Variants in PLPP3 observed in about 807,000 individuals in gnomAD.
PLPP3 encodes phospholipid phosphatase 3, also known as PAP2 beta.
PLPP3 carries 6 observed loss-of-function variants against 29.6 expected under a neutral mutation model. That is an observed-to-expected ratio of 0.20 (90% CI 0.11 to 0.40). The LOEUF (loss-of-function observed/expected upper bound fraction) is 0.40, where lower values mean the gene tolerates loss of function less well. Ranked by LOEUF, PLPP3 falls within the 10% of genes least tolerant of loss-of-function variation. PLPP3 has a pLI of 1.00. For synonymous variants in PLPP3, 152 were observed against 159.7 expected (o/e 0.95, Z 0.36); for missense variants, 308 against 407.7 (o/e 0.76, Z 2.11).
chr1:56,495,053 G>C lies in PLPP3; in HGVS notation c.*1498C>G, dbSNP rs1388213645. 2.0e-5 allele frequency: 3 copies of C among 152,452 alleles called. No homozygotes were observed. Among genetic ancestry groups the C allele is most frequent in the African/African-American group, 7.2e-5 (3 of 41,400 alleles). 9.4% of individuals were successfully genotyped at this position (152,452 alleles called of 1,614,324 possible). ...TGTAAATAACACAGGTCGAGACACA[G>C]TTTATAATCATAGTGGATATAGCTA... On this transcript the variant is annotated 3_prime_UTR_variant, in exon 6 of 6. Transcript: ENST00000371250.
chr1:56,547,119 T>C (rs11206838), intron 1 of PLPP3, among the ~76,000 whole-genome samples: 42,383 of 152,116 alleles, frequency 0.28, 5,980 homozygotes, highest in Admixed American at 0.33. Context: ...CTTAATGTCA[T>C]TTGTTTTCAT....
At chr1:56,573,324 A>T (rs1042135312) in intron 1 of PLPP3, among the ~76,000 whole-genome samples, 1 of 152,200 alleles carries the variant, frequency 6.6e-6, no homozygotes, top group African/African-American at 2.4e-5. Flanking sequence ...GTAATTTTCC[A>T]TTCGGAAGAA....
chr1:56,568,245 C>T (rs1227842591), intron 1 of PLPP3, among the ~76,000 whole-genome samples: 1 of 151,440 alleles, frequency 6.6e-6, no homozygotes, highest in Admixed American at 6.6e-5. Flanking sequence ...CGTGAAGATA[C>T]TAAAAACCAA....
intron 4 of PLPP3, among the ~76,000 whole-genome samples, chr1:56,518,412 A>G (rs887582535): frequency 1.3e-5 from 2 of 151,842 alleles, no homozygotes; most frequent in African/African-American, 2.4e-5. Context: ...CTCCTGGGAC[A>G]GCACAGTAAA....
At chr1:56,563,317 C>G (rs1041110050) in intron 1 of PLPP3, among the ~76,000 whole-genome samples, 2 of 152,212 alleles carry the variant, frequency 1.3e-5, no homozygotes, top group African/African-American at 4.8e-5. Context: ...TGAATAGGGG[C>G]CCTACAATAG....
intron 1 of PLPP3, among the ~76,000 whole-genome samples, chr1:56,557,105 T>C (rs12568800): frequency 0.83 from 90,849 of 108,836 alleles, 39,213 homozygotes; most frequent in Non-Finnish European, 0.9. Flanking sequence ...AGAGGCTGGG[T>C]GCGGTGGCTC....
At chr1:56,531,480 T>C (rs1645888105) in intron 2 of PLPP3, among the ~76,000 whole-genome samples, 1 of 152,192 alleles carries the variant, frequency 6.6e-6, no homozygotes, top group South Asian at 2.1e-4. Flanking sequence ...ACCCGGCACC[T>C]ACCTACACAC....
chr1:56,515,676 A>G (rs1645776374), intron 4 of PLPP3, among the ~76,000 whole-genome samples: 1 of 152,180 alleles, frequency 6.6e-6, no homozygotes, highest in Non-Finnish European at 1.5e-5. Context: ...GTTCCCTGAT[A>G]TCCATCAGTT....
intron 1 of PLPP3, among the ~76,000 whole-genome samples, chr1:56,563,239 G>A (rs556951885): frequency 6.6e-6 from 1 of 152,234 alleles, no homozygotes; most frequent in East Asian, 1.9e-4. Context: ...CTTCTTTTAG[G>A]AAAGGGAGAA....
intron 1 of PLPP3, among the ~76,000 whole-genome samples, chr1:56,568,177 G>A (rs114436557): frequency 6.0e-4 from 92 of 152,114 alleles, no homozygotes; most frequent in Middle Eastern, 3.4e-3. Flanking sequence ...AGTGGGTATC[G>A]TTTCTTTTTG....
At position 56,552,648 on chromosome 1, in the gene PLPP3, A is replaced by G. The variant is rs145300689; in HGVS notation, c.140-15536T>C. 2.1e-3 allele frequency among the ~76,000 whole-genome samples: 322 copies of G among 152,288 alleles called. 2 individuals are homozygous for G. Among genetic ancestry groups the G allele is most frequent in the African/African-American group, 7.3e-3 (302 of 41,560 alleles). ...CCTACAGGGACCCTGTGAGGACTCA[A>G]ACCTGCAGTTCTCCTCTCCCTTTCT... is the stretch of plus-strand genomic sequence containing the variant. On this transcript the variant is annotated intron_variant, in intron 1 of 5. Coordinates refer to ENST00000371250, the MANE Select transcript of PLPP3 (RefSeq NM_003713.5).
intron 1 of PLPP3, among the ~76,000 whole-genome samples, chr1:56,558,119 G>C (rs980028161): frequency 1.3e-5 from 2 of 152,184 alleles, no homozygotes; most frequent in Non-Finnish European, 2.9e-5. Context: ...AGGAGAGGGA[G>C]TATTATTTTA....
At chr1:56,530,910 C>T (rs1309380045) in intron 2 of PLPP3, among the ~76,000 whole-genome samples, 1 of 152,198 alleles carries the variant, frequency 6.6e-6, no homozygotes, top group Non-Finnish European at 1.5e-5. Flanking sequence ...GCCACTCCTT[C>T]TGCCTAGGTC....
chr1:56,512,166 A>G lies in PLPP3; in HGVS notation c.634-14T>C, dbSNP rs746473241. 38 of 1,568,180 alleles carry G rather than the reference A, an allele frequency of 2.4e-5. No homozygotes were observed. In the Admixed American group the frequency reaches 5.4e-4, roughly 22 times the overall value. ...CTGCAGGTATAGCTGGAGAAAGGAG[A>G]CAAAAAGGAACAGACATTAAGTGAC... On this transcript the variant is annotated splice_polypyrimidine_tract_variant and intron_variant, in intron 4 of 5. Coordinates refer to ENST00000371250, the MANE Select transcript of PLPP3 (RefSeq NM_003713.5).
At chr1:56,498,664 CATT>C (rs1021661909) in intron 5 of PLPP3, among the ~76,000 whole-genome samples, 2 of 151,040 alleles carry the variant, frequency 1.3e-5, no homozygotes, top group African/African-American at 4.9e-5. Flanking sequence ...GACGGAGTCT[CATT>C]CTGTCACCCA....
chr1:56,513,262 C>CA (rs1645757576), intron 4 of PLPP3: 2 of 152,578 alleles, frequency 1.3e-5, no homozygotes, highest in Admixed American at 6.5e-5. Context: ...ATTGTCCCCT[C>CA]AGAGTTATCT....
chr1:56,531,712 A>G (rs754300296), intron 2 of PLPP3, among the ~76,000 whole-genome samples: 3 of 152,216 alleles, frequency 2.0e-5, no homozygotes, highest in Non-Finnish European at 2.9e-5. Context: ...TGAAAGCCAA[A>G]CAGATCTAGG....
In PLPP3 at chr1:56,512,156, G is replaced by A; in HGVS notation, c.634-4C>T. On this transcript the variant is annotated splice_region_variant and splice_polypyrimidine_tract_variant and intron_variant, in intron 4 of 5. Coordinates refer to ENST00000371250, the MANE Select transcript of PLPP3 (RefSeq NM_003713.5). ...TGAAGCGGGCCTGCAGGTATAGCTG[G>A]AGAAAGGAGACAAAAAGGAACAGAC... 1 of 1,580,564 alleles carries A rather than the reference G, an allele frequency of 6.3e-7. No homozygotes were observed. The highest frequency in any genetic ancestry group is 8.6e-7 in the Non-Finnish European group (1 of 1,167,398).
In PLPP3 at chr1:56,552,838, G is replaced by T. The variant is rs114073899; in HGVS notation, c.140-15726C>A. On this transcript the variant is annotated intron_variant, in intron 1 of 5. Coordinates refer to ENST00000371250, the MANE Select transcript of PLPP3 (RefSeq NM_003713.5). ...ATACAGGAGAAAATATGTGCCTCAGGACTGCCTAAAGACAAAAACTGAAAG... is the reference window on the plus strand; with the variant it reads ...ATACAGGAGAAAATATGTGCCTCAGTACTGCCTAAAGACAAAAACTGAAAG... Among the ~76,000 whole-genome samples, 1,277 of 152,264 alleles carry T rather than the reference G, an allele frequency of 8.4e-3. 13 individuals carry two copies. The highest frequency in any genetic ancestry group is 0.029 in the African/African-American group (1,220 of 41,540).
Sources: allele counts gnomAD v4.1 joint callset (sites outside exome capture counted in the v4.1 genomes callset), GRCh38; gene constraint gnomAD v4.1.1; transcripts MANE v1.5; gene names NCBI Gene and HGNC (gene_info 2026-07-23, HGNC 2026-07-21).